The following EXOC6 variants were observed in gnomAD, a reference collection of about 807,000 sequenced individuals.
The protein encoded by EXOC6 is SEC15-like 1.
A neutral mutation model predicts 112.5 loss-of-function variants in EXOC6; 60 were observed. The observed-to-expected ratio is 0.53, with a 90% CI of 0.43 to 0.66. The LOEUF (loss-of-function observed/expected upper bound fraction) is 0.66. EXOC6 is among the 30% of genes least tolerant of loss of function. The probability of loss-of-function intolerance (pLI) is 0.00; values close to 1 mark genes in which losing one functional copy is unlikely to be tolerated. For synonymous variants in EXOC6, 295 were observed against 308.0 expected (o/e 0.96, Z 0.44); for missense variants, 855 against 957.1 (o/e 0.89, Z 1.41).
chr10:92,987,660 A>G, intron 18 of EXOC6: 1 of 977,910 alleles, frequency 1.0e-6, no homozygotes, highest in Non-Finnish European at 1.2e-6. Flanking sequence ...GATATAAACT[A>G]AAGCTAGCAT....
chr10:92,975,936 GC>G (rs1386140149), intron 18 of EXOC6, among the ~76,000 whole-genome samples: 2 of 120,392 alleles, frequency 1.7e-5, no homozygotes, highest in South Asian at 5.9e-4. Context: ...TCAGCCCCCC[GC>G]CCGGCCAGCC....
chr10:92,956,807 C>G (rs992799632), intron 17 of EXOC6, among the ~76,000 whole-genome samples: 2 of 152,108 alleles, frequency 1.3e-5, no homozygotes, highest in African/African-American at 4.8e-5. Flanking sequence ...TTAGATTGCT[C>G]TGTGACCTTG....
At chr10:92,858,022 T>TTTCC (rs1554882161) in intron 1 of EXOC6, among the ~76,000 whole-genome samples, 2 of 101,272 alleles carry the variant, frequency 2.0e-5, no homozygotes, top group Non-Finnish European at 4.0e-5. Context: ...GTTGACGGGT[T>TTTCC]CCCCCCCTCC....
intron 1 of EXOC6, among the ~76,000 whole-genome samples, chr10:92,869,378 C>T (rs369215163): frequency 1.1e-4 from 16 of 151,800 alleles, no homozygotes; most frequent in East Asian, 3.9e-4. Context: ...GCATGATCAC[C>T]GCTAGCTGTA....
intron 20 of EXOC6, among the ~76,000 whole-genome samples, chr10:93,048,019 C>T (rs962114910): frequency 3.9e-5 from 6 of 152,062 alleles, no homozygotes; most frequent in African/African-American, 1.4e-4. Context: ...TTTTTGGTTT[C>T]AGTAATTAGG....
At chr10:92,978,754 AG>A (rs1248994689) in intron 18 of EXOC6, among the ~76,000 whole-genome samples, 1 of 152,188 alleles carries the variant, frequency 6.6e-6, no homozygotes, top group Non-Finnish European at 1.5e-5. Flanking sequence ...AATAGAGTAA[AG>A]GGCCAATTCT....
chr10:93,050,978 T>TAA (rs976837397), intron 20 of EXOC6, among the ~76,000 whole-genome samples: 1 of 152,038 alleles, frequency 6.6e-6, no homozygotes, highest in Non-Finnish European at 1.5e-5. Flanking sequence ...CTCCATTTGA[T>TAA]TATTAACTAT....
chr10:92,908,755 C>G (rs532878839), intron 5 of EXOC6, among the ~76,000 whole-genome samples: 3 of 152,148 alleles, frequency 2.0e-5, no homozygotes, highest in Non-Finnish European at 4.4e-5. Context: ...GTCAATTTAT[C>G]TAGGGCAAAG....
intron 11 of EXOC6, among the ~76,000 whole-genome samples, chr10:92,935,502 A>G (rs1852290024): frequency 6.6e-6 from 1 of 152,126 alleles, no homozygotes; most frequent in Non-Finnish European, 1.5e-5. Flanking sequence ...TAAGATGGAA[A>G]ATAAGTAAAT....
At chr10:92,930,320 T>C (rs558132533) in intron 9 of EXOC6, among the ~76,000 whole-genome samples, 250 of 151,786 alleles carry the variant, frequency 1.6e-3, no homozygotes, top group African/African-American at 5.7e-3. Flanking sequence ...CTGGCCAACA[T>C]GGTGAAACCC....
chr10:92,973,393 T>G (rs534394474), intron 17 of EXOC6, among the ~76,000 whole-genome samples: 1 of 152,198 alleles, frequency 6.6e-6, no homozygotes, highest in Non-Finnish European at 1.5e-5. Context: ...GATTTAGCTG[T>G]TTTTCTTGAA....
upstream of EXOC6, among the ~76,000 whole-genome samples, chr10:92,845,246 A>G (rs1847005346): frequency 6.6e-6 from 1 of 152,234 alleles, no homozygotes; most frequent in African/African-American, 2.4e-5. Context: ...TTCTCAGTGC[A>G]GACGTTAAAT....
Position 92,974,148 on chromosome 10 carries a change from T to A in EXOC6, c.1869T>A (p.Ser623=). Reference sequence around the variant, plus strand: ...TTGCTGATTATGACTGGACAATGTCTGAGCCAGATGGAAGAGCTAGTGGTT... The same window carrying A: ...TTGCTGATTATGACTGGACAATGTCAGAGCCAGATGGAAGAGCTAGTGGTT... ...VQLADYDWTM[S]EPDGRASGYL... Residue 623 remains serine (S), a synonymous_variant, in exon 18 of 22, where the codon TCT becomes TCA. Transcript: ENST00000260762. 3.1e-6 allele frequency: 5 copies of A among 1,603,200 alleles called. No homozygotes were observed. Among genetic ancestry groups the A allele is most frequent in the Non-Finnish European group, 4.2e-6 (5 of 1,177,634 alleles).
At chr10:92,897,895 A>G (rs1043920199) in intron 4 of EXOC6, among the ~76,000 whole-genome samples, 1 of 152,080 alleles carries the variant, frequency 6.6e-6, no homozygotes, top group Non-Finnish European at 1.5e-5. Flanking sequence ...GTCTCTCTAA[A>G]ATGTATAAAA....
At chr10:92,911,927 C>G (rs61862278) in intron 6 of EXOC6, among the ~76,000 whole-genome samples, 86 of 99,486 alleles carry the variant, frequency 8.6e-4, no homozygotes, top group Middle Eastern at 5.0e-3. Flanking sequence ...CTCTCTCTCT[C>G]TCTCTGTGTG....
At chr10:92,921,017 G>C (rs112326665) in intron 8 of EXOC6, among the ~76,000 whole-genome samples, 2 of 152,156 alleles carry the variant, frequency 1.3e-5, no homozygotes, top group African/African-American at 4.8e-5. Context: ...ACATAGTTCA[G>C]TCTGTTTTTT....
chr10:92,880,504 A>G (rs1848905586), intron 1 of EXOC6, among the ~76,000 whole-genome samples: 6 of 152,160 alleles, frequency 3.9e-5, no homozygotes, highest in Non-Finnish European at 1.5e-5. Context: ...AAGATTTGTA[A>G]TTTATATCCT....
chr10:92,844,589 T>G (rs1173426972), upstream of EXOC6, among the ~76,000 whole-genome samples: 1 of 152,212 alleles, frequency 6.6e-6, no homozygotes, highest in Non-Finnish European at 1.5e-5. Context: ...TCAGGTTTTT[T>G]TTTAATGATT....
At chr10:93,048,887 A>T (rs1175739127) in intron 20 of EXOC6, among the ~76,000 whole-genome samples, 1 of 152,176 alleles carries the variant, frequency 6.6e-6, no homozygotes, top group Admixed American at 6.5e-5. Flanking sequence ...CAATTGCCAA[A>T]AGAATTATTT....
Sources: gnomAD v4.1 joint callset for allele counts (sites outside exome capture counted in the v4.1 genomes callset) on GRCh38, gnomAD v4.1.1 for gene constraint, MANE v1.5 for transcripts, NCBI Gene and HGNC (gene_info 2026-07-23, HGNC 2026-07-21) for gene names.